Variants in PCBP3 observed in about 807,000 individuals in gnomAD.
PCBP3 encodes poly(rC)-binding protein 3.
In PCBP3, 25 loss-of-function variants were observed where a neutral mutation model predicts 52.7. The observed-to-expected ratio is 0.47, with a 90% CI of 0.35 to 0.66. PCBP3 has a LOEUF of 0.66. Ranked by LOEUF, PCBP3 falls within the 30% of genes least tolerant of loss-of-function variation. PCBP3 has a pLI of 0.01. For synonymous variants in PCBP3, 162 were observed against 183.0 expected, an observed-to-expected ratio of 0.89 and a Z score of 0.93; for missense variants, 391 against 490.3, an observed-to-expected ratio of 0.80 and a Z score of 1.91.
At chr21:45,666,774 C>T in intron 1 of PCBP3, among the ~76,000 whole-genome samples, 1 of 150,744 alleles carries the variant, frequency 6.6e-6, no homozygotes. Context: ...TGTCTCCAGA[C>T]TGGTGTGTAA....
intron 2 of PCBP3, among the ~76,000 whole-genome samples, chr21:45,710,438 GAAT>G (rs1249327401): frequency 6.6e-6 from 1 of 152,124 alleles, no homozygotes; most frequent in Non-Finnish European, 1.5e-5. Context: ...AGTTTGCTGA[GAAT>G]GATGGTTTCC....
At chr21:45,882,300 T>C (rs537872533) in intron 5 of PCBP3, among the ~76,000 whole-genome samples, 47 of 152,372 alleles carry the variant, frequency 3.1e-4, no homozygotes, top group Non-Finnish European at 5.4e-4. Context: ...CTTTTTCATA[T>C]ACCTGTTAGC....
At chr21:45,679,452 A>T (rs1274000110) in intron 2 of PCBP3, among the ~76,000 whole-genome samples, 5 of 152,170 alleles carry the variant, frequency 3.3e-5, no homozygotes, top group African/African-American at 9.7e-5. Context: ...TAAGGTATGT[A>T]CATTGTTTTT....
chr21:45,842,223 G>T (rs1220826762), intron 4 of PCBP3, among the ~76,000 whole-genome samples: 1 of 152,132 alleles, frequency 6.6e-6, no homozygotes, highest in African/African-American at 2.4e-5. Context: ...GTGTTGTGTT[G>T]TGTTTTCTTG....
intron 9 of PCBP3, among the ~76,000 whole-genome samples, chr21:45,902,898 C>T (rs1460439158): frequency 1.3e-5 from 2 of 152,232 alleles, no homozygotes; most frequent in African/African-American, 4.8e-5. Flanking sequence ...CTGGAGTTGG[C>T]GATGGGTTTC....
At chr21:45,720,735 T>TA (rs2084569982) in intron 2 of PCBP3, among the ~76,000 whole-genome samples, 4 of 152,206 alleles carry the variant, frequency 2.6e-5, no homozygotes, top group Non-Finnish European at 5.9e-5. Flanking sequence ...ATGCTTCTCT[T>TA]ACCTCTCTGG....
At position 45,896,222 on chromosome 21, in the gene PCBP3, G is replaced by A. The variant is rs2095822978; in HGVS notation, c.25G>A (p.Ala9Thr). ...TCTCTCTCCAGGTGACGCCTTCTGG[G>A]CCCCATCTGTCCTTCCTCACAGCAC... MGEGDAFW[A>T]PSVLPHSTLS... The change falls in exon 6 of 18, where the codon GCC (alanine) becomes ACC (threonine). Residue 9 changes from alanine to threonine, a missense_variant. Ala to Thr is a moderately conservative substitution (Grantham distance 58). Transcript: ENST00000681687. 1 of 1,551,748 alleles carries A rather than the reference G, an allele frequency of 6.4e-7. No individual in the cohort carries two copies. Among genetic ancestry groups the A allele is most frequent in the South Asian group, 1.2e-5 (1 of 84,044 alleles).
chr21:45,782,297 GAAAC>G (rs1177921407), intron 4 of PCBP3, among the ~76,000 whole-genome samples: 1 of 152,078 alleles, frequency 6.6e-6, no homozygotes, highest in Non-Finnish European at 1.5e-5. Flanking sequence ...TTAAAAAAGA[GAAAC>G]AGACAGAAAA....
Position 45,913,986 on chromosome 21 carries a change from A to C in PCBP3, c.636A>C (p.Pro212=). 1 of 1,613,550 alleles carries C rather than the reference A, an allele frequency of 6.2e-7. No homozygotes were observed. The highest frequency in any genetic ancestry group is 8.5e-7 in the Non-Finnish European group (1 of 1,179,848). The change falls in exon 12 of 18, where the codon CCA becomes CCC. Residue 212 remains proline, a synonymous_variant. Coordinates refer to ENST00000681687, the MANE Select transcript of PCBP3 (RefSeq NM_001384156.1). ...AAGGTGCCACCATTCCCTACCGCCC[A>C]AAGCCCGCCTCCACCCCTGTCATTT... ...PPKGATIPYR[P]KPASTPVIFA...
At chr21:45,862,725 CCAGCAGGAGCCAGCT>C (rs1304278853) in intron 5 of PCBP3, among the ~76,000 whole-genome samples, 2 of 152,210 alleles carry the variant, frequency 1.3e-5, no homozygotes, top group Admixed American at 1.3e-4. Context: ...TGTGTGGGCC[CCAGCAGGAGCCAGCT>C]CAGCCTGTCC....
intron 13 of PCBP3, among the ~76,000 whole-genome samples, chr21:45,926,552 A>G (rs916774125): frequency 1.3e-5 from 2 of 152,190 alleles, no homozygotes; most frequent in Admixed American, 6.5e-5. Context: ...TGGATCAGAC[A>G]TGAGAGCCCA....
rs1020308831 is a variant in PCBP3 at position 45,929,649 on chromosome 21, C to T, written c.718-268C>T. On this transcript the variant is annotated intron_variant, in intron 13 of 17. Coordinates refer to ENST00000681687, the MANE Select transcript of PCBP3 (RefSeq NM_001384156.1). Reference sequence around the variant, plus strand: ...CCAGCTGGTGAGAGGGAGGCTGGGCCGGTCTAGGCTGGAGCTGCCGGGGAG... The same window carrying T: ...CCAGCTGGTGAGAGGGAGGCTGGGCTGGTCTAGGCTGGAGCTGCCGGGGAG... 3.3e-5 allele frequency among the ~76,000 whole-genome samples: 5 copies of T among 152,326 alleles called. 1 individual carries two copies. The highest frequency in any genetic ancestry group is 2.1e-4 in the South Asian group (1 of 4,832).
At chr21:45,681,264 A>G (rs1414973629) in intron 2 of PCBP3, among the ~76,000 whole-genome samples, 1 of 152,214 alleles carries the variant, frequency 6.6e-6, no homozygotes, top group Non-Finnish European at 1.5e-5. Context: ...TTTATCACAA[A>G]TAGATGTTGG....
At chr21:45,655,839 C>A (rs1390615555) in intron 1 of PCBP3, among the ~76,000 whole-genome samples, 1 of 151,968 alleles carries the variant, frequency 6.6e-6, no homozygotes, top group Non-Finnish European at 1.5e-5. Context: ...AAAAAGTGGG[C>A]AAGGCATATG....
chr21:45,674,912 C>G (rs1193665159), intron 2 of PCBP3, among the ~76,000 whole-genome samples: 1 of 152,128 alleles, frequency 6.6e-6, no homozygotes, highest in African/African-American at 2.4e-5. Flanking sequence ...AGTTGGATAT[C>G]CACAGGGGCC....
rs1603262540 is a variant in PCBP3, at chr21:45,687,301, C to T, written c.-200+18349C>T. On this transcript the variant is annotated intron_variant, in intron 2 of 17. Coordinates refer to ENST00000681687, the MANE Select transcript of PCBP3 (RefSeq NM_001384156.1). Reference sequence around the variant, plus strand: ...CCAGAAAAACAAAAGCTGAATTTGTCACCAGCAAATTTAGGTAATAAGAGA... The same window carrying T: ...CCAGAAAAACAAAAGCTGAATTTGTTACCAGCAAATTTAGGTAATAAGAGA... 2.0e-5 allele frequency among the ~76,000 whole-genome samples: 3 copies of T among 152,142 alleles called. No individual in the cohort carries two copies. The South Asian group carries it at 6.2e-4, about 32-fold the overall frequency.
intron 4 of PCBP3, among the ~76,000 whole-genome samples, chr21:45,784,714 C>T (rs2090968552): frequency 6.6e-6 from 1 of 152,248 alleles, no homozygotes; most frequent in Non-Finnish European, 1.5e-5. Context: ...CCGCCAGCCT[C>T]GGCCTCCCGA....
intron 13 of PCBP3, among the ~76,000 whole-genome samples, chr21:45,927,162 G>C (rs964959071): frequency 6.7e-6 from 1 of 150,250 alleles, no homozygotes; most frequent in African/African-American, 2.4e-5. Flanking sequence ...TTAAATGCTT[G>C]TAATTTTAGT....
At chr21:45,695,228 G>A (rs1389454837) in intron 2 of PCBP3, among the ~76,000 whole-genome samples, 1 of 152,170 alleles carries the variant, frequency 6.6e-6, no homozygotes, top group East Asian at 1.9e-4. Context: ...ATTGGTGCTG[G>A]ACCCTAAGAA....
Sources: gnomAD v4.1 joint callset for allele counts (sites outside exome capture counted in the v4.1 genomes callset) on GRCh38, gnomAD v4.1.1 for gene constraint, MANE v1.5 for transcripts, NCBI Gene and HGNC (gene_info 2026-07-23, HGNC 2026-07-21) for gene names.